SEMA3D: variants seen among roughly 807,000 people sequenced by gnomAD.
SEMA3D encodes semaphorin 3D.
A neutral mutation model predicts 100.1 loss-of-function variants in SEMA3D; 84 were observed. The ratio of observed to expected loss-of-function variants is 0.84; its 90% CI spans 0.70 to 1.01. The LOEUF is 1.01. SEMA3D is among the 50% of genes least tolerant of loss of function. The pLI, the probability that SEMA3D is intolerant of heterozygous loss-of-function variation, is 0.00. For missense variants in SEMA3D, 875 were observed against 934.1 expected, an observed-to-expected ratio of 0.94 and a Z score of 0.82; for synonymous variants, 312 against 320.7, an observed-to-expected ratio of 0.97 and a Z score of 0.29.
chr7:85,023,890 T>C (rs1202977226), intron 12 of SEMA3D, among the ~76,000 whole-genome samples: 1 of 151,952 alleles, frequency 6.6e-6, no homozygotes, highest in African/African-American at 2.4e-5. Flanking sequence ...ATCTTTATCT[T>C]TAACAAAAAT....
intron 17 of SEMA3D, among the ~76,000 whole-genome samples, chr7:85,007,879 A>T (rs1015583107): frequency 1.3e-5 from 2 of 151,852 alleles, no homozygotes; most frequent in African/African-American, 4.8e-5. Context: ...ATGAGCAGCA[A>T]ATGGCATAAT....
the SEMA3D span, among the ~76,000 whole-genome samples, chr7:85,231,173 C>T: frequency 6.6e-6 from 1 of 152,086 alleles, no homozygotes; most frequent in Non-Finnish European, 1.5e-5. Context: ...TGCCAGGATT[C>T]TATCTTTGGC....
intron 17 of SEMA3D, among the ~76,000 whole-genome samples, chr7:85,011,869 T>C (rs777200125): frequency 2.0e-5 from 3 of 151,662 alleles, no homozygotes; most frequent in Non-Finnish European, 4.4e-5. Flanking sequence ...ATTATGAAAT[T>C]TGGGTTATTT....
chr7:85,152,438 C>T (rs954491263), intron 2 of SEMA3D, among the ~76,000 whole-genome samples: 1 of 152,104 alleles, frequency 6.6e-6, no homozygotes, highest in African/African-American at 2.4e-5. Context: ...AACACTATGT[C>T]TGATTTGTGG....
intron 9 of SEMA3D, among the ~76,000 whole-genome samples, chr7:85,054,100 T>A (rs1359026843): frequency 6.6e-6 from 1 of 152,058 alleles, no homozygotes; most frequent in Non-Finnish European, 1.5e-5. Flanking sequence ...TAGATTTTTC[T>A]TTAATACACT....
the SEMA3D span, among the ~76,000 whole-genome samples, chr7:85,202,036 T>TTTTA: frequency 2.7e-5 from 4 of 150,644 alleles, no homozygotes; most frequent in Non-Finnish European, 4.4e-5. Context: ...CTCTCTCTCT[T>TTTTA]TTTATTTATT....
intron 3 of SEMA3D, among the ~76,000 whole-genome samples, chr7:85,120,459 G>A (rs950577173): frequency 3.5e-4 from 53 of 152,120 alleles, no homozygotes; most frequent in Middle Eastern, 3.4e-3. Flanking sequence ...CTTGAGGTCA[G>A]GGGTTTGAGA....
chr7:85,028,037 C>G, intron 12 of SEMA3D: 1 of 584,322 alleles, frequency 1.7e-6, no homozygotes. Context: ...CTTTTGATGC[C>G]AAATGTCTGA....
At chr7:85,056,320 T>C (rs1339777674) in intron 8 of SEMA3D, among the ~76,000 whole-genome samples, 1 of 152,010 alleles carries the variant, frequency 6.6e-6, no homozygotes, top group Non-Finnish European at 1.5e-5. Context: ...TAGTGTTTGG[T>C]TCAAGTTCAA....
Position 85,065,470 on chromosome 7 carries a change from G to A in SEMA3D, c.672C>T (p.Asp224=). 6.2e-7 allele frequency: 1 copy of A among 1,613,326 alleles called. No homozygotes were observed. The highest frequency in any genetic ancestry group is 8.5e-7 in the Non-Finnish European group (1 of 1,179,412). ...AAATGTCAGTTCTGATGTAGTGGTG[G>A]TCATGAGTAGGCCCAAGGGATCGAG... The part of the protein sequence containing the change: ...AFTRSLGPTH[D]HHYIRTDISE... The change falls in exon 8 of 19, where the codon GAC becomes GAT. Residue 224 remains aspartate, a synonymous_variant. Transcript: ENST00000284136.
At chr7:85,232,272 T>C in the SEMA3D span, among the ~76,000 whole-genome samples, 1 of 152,212 alleles carries the variant, frequency 6.6e-6, no homozygotes. Context: ...TAAGACTAAT[T>C]GTTGTGGGGT....
the SEMA3D span, among the ~76,000 whole-genome samples, chr7:85,249,371 A>T: frequency 2.6e-5 from 4 of 152,196 alleles, no homozygotes; most frequent in Admixed American, 2.0e-4. Context: ...TAAAGGTAAT[A>T]TGGTATCATG....
the SEMA3D span, among the ~76,000 whole-genome samples, chr7:85,222,304 A>G: frequency 7.9e-5 from 9 of 113,390 alleles, no homozygotes; most frequent in African/African-American, 5.9e-4. Flanking sequence ...AATTAACATG[A>G]AAAAAAAATC....
At chr7:85,002,925 A>G (rs1473122408) in intron 18 of SEMA3D, among the ~76,000 whole-genome samples, 1 of 152,104 alleles carries the variant, frequency 6.6e-6, no homozygotes, top group Admixed American at 6.6e-5. Flanking sequence ...TTTTACAGAT[A>G]ATTCACCTGT....
intron 2 of SEMA3D, among the ~76,000 whole-genome samples, chr7:85,137,301 T>C (rs1268168685): frequency 6.6e-6 from 1 of 151,904 alleles, no homozygotes; most frequent in African/African-American, 2.4e-5. Context: ...GACATAGATA[T>C]GACATATATA....
At chr7:85,152,342 G>T (rs1790453567) in intron 2 of SEMA3D, among the ~76,000 whole-genome samples, 1 of 152,068 alleles carries the variant, frequency 6.6e-6, no homozygotes, top group Non-Finnish European at 1.5e-5. Flanking sequence ...AATTAAATTT[G>T]ATCTCCGATC....
chr7:85,140,858 TGGTA>T (rs1295851674), intron 2 of SEMA3D: 3 of 812,396 alleles, frequency 3.7e-6, no homozygotes, highest in African/African-American at 1.9e-5. Context: ...ATTAAAAAAA[TGGTA>T]GGTATACAAA....
At chr7:85,227,438 G>T in the SEMA3D span, among the ~76,000 whole-genome samples, 6 of 152,068 alleles carry the variant, frequency 3.9e-5, no homozygotes, top group Non-Finnish European at 8.8e-5. Flanking sequence ...TCTAACATGT[G>T]AGGGCACAGA....
At chr7:85,201,217 C>T in the SEMA3D span, among the ~76,000 whole-genome samples, 1 of 152,140 alleles carries the variant, frequency 6.6e-6, no homozygotes, top group African/African-American at 2.4e-5. Flanking sequence ...ACCATTTGCT[C>T]TCTTCTCTTT....
Sources: gnomAD v4.1 joint callset for allele counts (sites outside exome capture counted in the v4.1 genomes callset) on GRCh38, gnomAD v4.1.1 for gene constraint, MANE v1.5 for transcripts, NCBI Gene and HGNC (gene_info 2026-07-23, HGNC 2026-07-21) for gene names.